VWA3B: variants seen among roughly 807,000 people sequenced by gnomAD.
The protein encoded by VWA3B is von Willebrand factor A domain-containing protein 3B.
In VWA3B, 138 loss-of-function variants were observed where a neutral mutation model predicts 158.3. The ratio of observed to expected loss-of-function variants is 0.87; its 90% CI spans 0.76 to 1.00. The LOEUF is 1.00. Among genes scored for constraint, VWA3B ranks in the 50% least tolerant of loss-of-function variants. The pLI is 0.00. For synonymous variants in VWA3B, 596 were observed against 587.3 expected, an observed-to-expected ratio of 1.01 and a Z score of -0.21; for missense variants, 1,555 against 1,565.1, an observed-to-expected ratio of 0.99 and a Z score of 0.11.
chr2:98,261,341 A>C (rs570757631), intron 21 of VWA3B, among the ~76,000 whole-genome samples: 1 of 151,804 alleles, frequency 6.6e-6, no homozygotes, highest in East Asian at 1.9e-4. Flanking sequence ...GTCACAAATT[A>C]TATCATTTAC....
intron 2 of VWA3B, among the ~76,000 whole-genome samples, chr2:98,105,736 C>A (rs1316276308): frequency 4.0e-5 from 6 of 151,088 alleles, no homozygotes; most frequent in Non-Finnish European, 5.9e-5. Context: ...TCTTAAAAAA[C>A]ACACACACAC....
chr2:98,228,277 T>A lies in VWA3B; in HGVS notation c.2095T>A (p.Ser699Thr), dbSNP rs1208840076. The part of the protein sequence containing the change: ...SDLEKMQDLY[S>T]ESLIMDWWYN... Reference sequence around the variant, plus strand: ...TCTGGAGAAGATGCAAGACCTTTATTCTGAGTCCTTGATCATGGACTGGTG... The same window carrying A: ...TCTGGAGAAGATGCAAGACCTTTATACTGAGTCCTTGATCATGGACTGGTG... The change falls in exon 15 of 28, where the codon TCT becomes ACT. Residue 699 changes from serine (S) to threonine (T), a missense_variant. Ser to Thr is a moderately conservative substitution (Grantham distance 58). Coordinates refer to ENST00000477737, the MANE Select transcript of VWA3B (RefSeq NM_144992.5). 1 of 1,613,964 alleles carries A rather than the reference T, an allele frequency of 6.2e-7. No individual in the cohort carries two copies. The highest frequency in any genetic ancestry group is 8.5e-7 in the Non-Finnish European group (1 of 1,180,002).
Position 98,180,062 on chromosome 2 carries a change from CTCTTTCTCTCTTTCTT to C in VWA3B, c.1115-930_1115-915del, listed in dbSNP as rs1303124968. Among the ~76,000 whole-genome samples the C allele has an allele frequency of 7.5e-4, 109 of 145,216 alleles. 1 individual carries two copies. Among genetic ancestry groups the C allele is most frequent in the African/African-American group, 2.3e-3 (88 of 38,754 alleles). On this transcript the variant is annotated intron_variant, in intron 8 of 27. Coordinates refer to ENST00000477737, the MANE Select transcript of VWA3B (RefSeq NM_144992.5). Reference sequence around the variant, plus strand: ...CTCCTTCCTCCCTCCCTCCTTTTCTCTCTTTCTCTCTTTCTTTCTTTCTCTCTTTCTTTCTTTCTTT... The same window carrying C: ...CTCCTTCCTCCCTCCCTCCTTTTCTCTCTTTCTCTCTTTCTTTCTTTCTTT...
intron 12 of VWA3B, chr2:98,207,099 G>A: frequency 5.7e-6 from 3 of 525,514 alleles, no homozygotes; most frequent in South Asian, 3.0e-5. Flanking sequence ...GCTCAAGGGT[G>A]TCTGCCTTAT....
chr2:98,090,405 A>G (rs893880479), intron 1 of VWA3B, among the ~76,000 whole-genome samples: 16 of 152,234 alleles, frequency 1.1e-4, no homozygotes, highest in Admixed American at 5.2e-4. Flanking sequence ...TTATTTGCAC[A>G]TAGCTGTTTC....
At chr2:98,233,892 G>A (rs1245805366) in intron 16 of VWA3B, among the ~76,000 whole-genome samples, 1 of 152,180 alleles carries the variant, frequency 6.6e-6, no homozygotes, top group African/African-American at 2.4e-5. Flanking sequence ...TGTGGTTTAT[G>A]TTATCAAATA....
intron 14 of VWA3B, among the ~76,000 whole-genome samples, chr2:98,227,431 A>G (rs749496938): frequency 6.3e-4 from 96 of 152,236 alleles, no homozygotes; most frequent in Non-Finnish European, 8.8e-4. Flanking sequence ...ACGTCCATGC[A>G]AAGACTTGTA....
In VWA3B at chr2:98,187,955, G is replaced by A. The variant is rs764164304; in HGVS notation, c.1312-20G>A. ...TTTGGACAGTTTCTGAGTGGCTTCT[G>A]TCCTTTGTCATCTCCTTAGGAGACG... On this transcript the variant is annotated intron_variant, in intron 9 of 27. Transcript: ENST00000477737. 4 of 1,587,658 alleles carry A rather than the reference G, an allele frequency of 2.5e-6. No individual in the cohort carries two copies. Among genetic ancestry groups the A allele is most frequent in the South Asian group, 1.2e-5 (1 of 86,306 alleles).
intron 2 of VWA3B, among the ~76,000 whole-genome samples, chr2:98,098,038 C>T (rs978026944): frequency 6.6e-6 from 1 of 152,122 alleles, no homozygotes; most frequent in Non-Finnish European, 1.5e-5. Flanking sequence ...TCCAAAGTTC[C>T]TCCTAGTGCT....
At chr2:98,133,970 T>C in intron 7 of VWA3B, 31 bp downstream of exon 7, 3 of 1,586,914 alleles carry the variant, frequency 1.9e-6, no homozygotes, top group Non-Finnish European at 2.6e-6. Flanking sequence ...GTGGTGTAGC[T>C]TATGTCCCGA....
At chr2:98,159,545 G>A (rs1047301527) in intron 7 of VWA3B, among the ~76,000 whole-genome samples, 2 of 152,000 alleles carry the variant, frequency 1.3e-5, no homozygotes, top group African/African-American at 4.8e-5. Context: ...CACTGCGCCC[G>A]GCCTTCAAAT....
chr2:98,325,809 C>T, the VWA3B span, among the ~76,000 whole-genome samples: 2 of 152,164 alleles, frequency 1.3e-5, no homozygotes, highest in African/African-American at 4.8e-5. Context: ...CTTCCTAGAA[C>T]AAGTAGACCA....
chr2:98,119,799 G>A, intron 4 of VWA3B, 36 bp downstream of exon 4: 1 of 1,607,220 alleles, frequency 6.2e-7, no homozygotes, highest in Non-Finnish European at 8.5e-7. Flanking sequence ...TTTAGTGAAA[G>A]TTCATAGTAA....
intron 14 of VWA3B, among the ~76,000 whole-genome samples, chr2:98,222,920 G>C (rs184494245): frequency 3.2e-4 from 49 of 152,198 alleles, no homozygotes; most frequent in Admixed American, 1.8e-3. Context: ...AAATACCTAG[G>C]ATCCAGTAAA....
rs1250346136 is a variant in VWA3B at position 98,194,398 on chromosome 2, A to G, written c.1643A>G (p.Lys548Arg). ...TATAAAAGTAAGTTTAACTTTGTGAAGTTTGATGGTCAAGCAGTTGCTTGG... is the reference window on the plus strand; with the variant it reads ...TATAAAAGTAAGTTTAACTTTGTGAGGTTTGATGGTCAAGCAGTTGCTTGG... ...LKYKSKFNFVKFDGQAVAWRE... is the reference protein window; with the variant it reads ...LKYKSKFNFVRFDGQAVAWRE... Residue 548 changes from lysine (K) to arginine (R), a missense_variant, in exon 12 of 28, where the codon AAG (lysine) becomes AGG (arginine). Transcript: ENST00000477737. The G allele has an allele frequency of 6.2e-7, 1 of 1,614,004 alleles. No homozygotes were observed. Among genetic ancestry groups the G allele is most frequent in the African/African-American group, 1.3e-5 (1 of 74,922 alleles).
intron 7 of VWA3B, among the ~76,000 whole-genome samples, chr2:98,141,340 A>T (rs1285221716): frequency 3.9e-5 from 6 of 152,338 alleles, no homozygotes; most frequent in African/African-American, 1.2e-4. Flanking sequence ...CAAGCAGGGC[A>T]CCAGCATCTG....
At chr2:98,099,146 A>G (rs144442249) in intron 2 of VWA3B, 1 of 152,272 alleles carries the variant, frequency 6.6e-6, no homozygotes, top group African/African-American at 2.4e-5. Flanking sequence ...GTATTAGAGT[A>G]TTCTGAATTT....
chr2:98,115,478 T>G (rs1162816321), intron 2 of VWA3B, among the ~76,000 whole-genome samples, 174 bp from the exon 3 acceptor site: 1 of 152,180 alleles, frequency 6.6e-6, no homozygotes, highest in East Asian at 1.9e-4. Context: ...GACAGTTACA[T>G]TTATCACAGC....
At chr2:98,092,086 C>T (rs946877746) in intron 1 of VWA3B, among the ~76,000 whole-genome samples, 1 of 152,204 alleles carries the variant, frequency 6.6e-6, no homozygotes, top group Non-Finnish European at 1.5e-5. Flanking sequence ...TAGAGCAAAG[C>T]CCCAGACAAT....
Sources: allele counts gnomAD v4.1 joint callset (sites outside exome capture counted in the v4.1 genomes callset), GRCh38; gene constraint gnomAD v4.1.1; transcripts MANE v1.5; gene names NCBI Gene and HGNC (gene_info 2026-07-23, HGNC 2026-07-21).